The following PRUNE2 variants were observed in gnomAD, a reference collection of about 807,000 sequenced individuals.
PRUNE2 encodes the protein protein prune homolog 2.
In PRUNE2, 164 loss-of-function variants were observed where a neutral mutation model predicts 252.0. That is an observed-to-expected ratio of 0.65 (90% CI 0.57 to 0.74). The LOEUF is 0.74. Among genes scored for constraint, PRUNE2 ranks in the 30% least tolerant of loss-of-function variants. The pLI is 0.00. For missense variants in PRUNE2, 3,495 were observed against 3,711.0 expected (o/e 0.94, Z 1.51); for synonymous variants, 1,292 against 1,350.2 (o/e 0.96, Z 0.94).
At chr9:76,629,012 T>G (rs1377060946) in intron 16 of PRUNE2, among the ~76,000 whole-genome samples, 180 bp downstream of exon 16, 1 of 152,060 alleles carries the variant, frequency 6.6e-6, no homozygotes, top group East Asian at 1.9e-4. Context: ...CCTGGCTAAT[T>G]TTTATATATT....
chr9:76,708,318 T>C lies in PRUNE2; in HGVS notation c.3956A>G (p.His1319Arg). ...CTCACTTTCACTTTGTCCATCGCCA[T>C]GACCTTTCCATGGATCTGGGTGTGG... The part of the protein sequence containing the change: ...YFPHPDPWKG[H>R]GDGQSESEKE... The change falls in exon 8 of 19, where the codon CAT becomes CGT. Residue 1319 changes from histidine to arginine, a missense_variant. Transcript: ENST00000376718. The C allele has an allele frequency of 3.1e-6, 5 of 1,613,904 alleles. No individual in the cohort carries two copies. Among genetic ancestry groups the C allele is most frequent in the Non-Finnish European group, 4.2e-6 (5 of 1,179,888 alleles).
At chr9:76,850,703 C>T (rs750940683) in intron 2 of PRUNE2, 38 bp from the exon 3 acceptor site, 3 of 1,444,454 alleles carry the variant, frequency 2.1e-6, no homozygotes, top group Non-Finnish European at 1.9e-6. Context: ...CTGAAAATAG[C>T]AGGAGGAAAG....
intron 12 of PRUNE2, among the ~76,000 whole-genome samples, chr9:76,642,917 G>A (rs961251000): frequency 2.6e-5 from 4 of 152,188 alleles, no homozygotes; most frequent in Admixed American, 1.3e-4. Context: ...CTGGGGAGAG[G>A]GGAGGTGGCC....
intron 6 of PRUNE2, among the ~76,000 whole-genome samples, chr9:76,796,819 G>C (rs1425224554): frequency 6.6e-6 from 1 of 152,140 alleles, no homozygotes; most frequent in African/African-American, 2.4e-5. Context: ...GACTCAAATA[G>C]AACAAGAAGG....
At chr9:76,749,338 A>G (rs2050410414) in intron 6 of PRUNE2, among the ~76,000 whole-genome samples, 1 of 152,182 alleles carries the variant, frequency 6.6e-6, no homozygotes, top group East Asian at 1.9e-4. Context: ...GCAGACGTTA[A>G]CATTCCTTTC....
At position 76,709,953 on chromosome 9, in the gene PRUNE2, G is replaced by A. The variant is rs2046595244; in HGVS notation, c.2321C>T (p.Ser774Phe). The A allele has an allele frequency of 3.1e-6, 5 of 1,613,738 alleles. No homozygotes were observed. Among genetic ancestry groups the A allele is most frequent in the East Asian group, 2.2e-5 (1 of 44,872 alleles). ...CCAGGGCTCGGGCATGGCTGTGGGA[G>A]AGCGACCAGAATGCCACAAAGAAGC... ...DFASLWHSGR[S>F]PTAMPEPWGN... is the part of the protein sequence containing the mutation. Residue 774 changes from serine (S) to phenylalanine (F), a missense_variant, in exon 8 of 19, where the codon TCT becomes TTT. By Grantham distance (155) the Ser-to-Phe change is radical (BLOSUM62 -2). Transcript: ENST00000376718.
intron 6 of PRUNE2, among the ~76,000 whole-genome samples, chr9:76,794,659 G>A (rs866495082): frequency 8.7e-5 from 13 of 148,718 alleles, no homozygotes; most frequent in South Asian, 2.2e-4. Context: ...GAAAAAGAAA[G>A]AGTGCAGCAC....
chr9:76,665,087 C>T (rs557836910), intron 9 of PRUNE2, among the ~76,000 whole-genome samples: 1 of 152,136 alleles, frequency 6.6e-6, no homozygotes, highest in Non-Finnish European at 1.5e-5. Context: ...TCCCTACCTC[C>T]TCCAAATTAT....
chr9:76,672,804 C>T (rs1300939531), intron 9 of PRUNE2, among the ~76,000 whole-genome samples: 1 of 135,878 alleles, frequency 7.4e-6, no homozygotes, highest in African/African-American at 2.8e-5. Flanking sequence ...TGAATGACTA[C>T]TGGGTACATA....
rs1321980614 is a variant in PRUNE2, at chr9:76,837,444, TAATAATA to T, written c.508+9064_508+9070del. Among the ~76,000 whole-genome samples, 633 of 112,630 alleles carry T rather than the reference TAATAATA, an allele frequency of 5.6e-3. 5 individuals carry two copies. The highest frequency in any genetic ancestry group is 8.4e-3 in the Non-Finnish European group (468 of 56,030). 73.9% of individuals were successfully genotyped at this position (112,630 alleles called of 152,430 possible). On this transcript the variant is annotated intron_variant, in intron 4 of 18. Transcript: ENST00000376718. Reference sequence around the variant, plus strand: ...CGACACAGTGAGACTCTGTCTCAAATAATAATAATAATAATAATAATAATAATAATAA... The same window carrying T: ...CGACACAGTGAGACTCTGTCTCAAATATAATAATAATAATAATAATAATAA...
At chr9:76,742,027 T>C (rs1184407158) in intron 6 of PRUNE2, among the ~76,000 whole-genome samples, 1 of 152,156 alleles carries the variant, frequency 6.6e-6, no homozygotes. Flanking sequence ...TAGAATTAAA[T>C]TTCAGATGAA....
Position 76,739,307 on chromosome 9 carries a change from G to A in PRUNE2, c.757-25586C>T, listed in dbSNP as rs111821906. ...GCCCATGCAGCTCTGTCATTAAGTAGTGATGTGGCTCGATGTGAAAAGTGA... is the reference window on the plus strand; with the variant it reads ...GCCCATGCAGCTCTGTCATTAAGTAATGATGTGGCTCGATGTGAAAAGTGA... On this transcript the variant is annotated intron_variant, in intron 6 of 18. Transcript: ENST00000376718. 1.9e-3 allele frequency: 286 copies of A among 152,300 alleles called. 1 individual carries two copies. The highest frequency in any genetic ancestry group is 6.5e-3 in the African/African-American group (271 of 41,562). The allele number at this position is 152,300 out of a possible 1,614,324, so 9.4% of individuals were successfully genotyped here. A position where few individuals can be genotyped will look rare whatever the true frequency, so the allele number is the denominator to read the frequency against.
chr9:76,904,501 G>A (rs1764284899), intron 1 of PRUNE2, among the ~76,000 whole-genome samples: 1 of 152,100 alleles, frequency 6.6e-6, no homozygotes, highest in African/African-American at 2.4e-5. Flanking sequence ...ACACACACAC[G>A]CACAGTTGCC....
At chr9:76,797,498 T>C (rs1030436418) in intron 6 of PRUNE2, among the ~76,000 whole-genome samples, 3 of 152,202 alleles carry the variant, frequency 2.0e-5, no homozygotes, top group Non-Finnish European at 4.4e-5. Context: ...ACTAGATAGT[T>C]ATTATTTTAA....
chr9:76,681,050 T>C (rs2043371352), intron 9 of PRUNE2, among the ~76,000 whole-genome samples: 1 of 152,142 alleles, frequency 6.6e-6, no homozygotes, highest in African/African-American at 2.4e-5. Context: ...GAAAATGTGG[T>C]ATATGCATAC....
chr9:76,661,330 C>T (rs888988262), intron 9 of PRUNE2, among the ~76,000 whole-genome samples: 4 of 152,184 alleles, frequency 2.6e-5, no homozygotes, highest in East Asian at 1.9e-4. Flanking sequence ...GAAGTCTCCA[C>T]CTCCTGGGTT....
chr9:76,694,880 G>T (rs1244972314), intron 9 of PRUNE2, among the ~76,000 whole-genome samples: 4 of 151,906 alleles, frequency 2.6e-5, no homozygotes, highest in Admixed American at 2.6e-4. Flanking sequence ...TTCTCTGAGA[G>T]CCTAATTAAT....
At chr9:76,815,925 T>C (rs567148335) in intron 6 of PRUNE2, among the ~76,000 whole-genome samples, 3 of 152,018 alleles carry the variant, frequency 2.0e-5, no homozygotes, top group South Asian at 2.1e-4. Context: ...TTTTAAGAGG[T>C]TGAGGCGGGT....
Position 76,710,719 on chromosome 9 carries a change from CT to C in PRUNE2, c.1554del (p.Asp519MetfsTer67). On this transcript the variant is annotated frameshift_variant, in exon 8 of 19. Coordinates refer to ENST00000376718, the MANE Select transcript of PRUNE2 (RefSeq NM_015225.3). LOFTEE classifies it high-confidence loss of function. The stretch of plus-strand genomic sequence containing the variant: ...AGGTCACTGTTGGGGAAGAAGTCAT[CT>C]GCTGGGGAGTAGTCTGCAGAATGAG... Reference protein sequence around the residue: ...QSSHSADYSPADDFFPNSDLS... With the variant: ...QSSHSADYSPXDDFFPNSDLS... The C allele has an allele frequency of 6.2e-7, 1 of 1,612,862 alleles. No homozygotes were observed. Among genetic ancestry groups the C allele is most frequent in the African/African-American group, 1.3e-5 (1 of 75,060 alleles).
Sources: allele counts gnomAD v4.1 joint callset (sites outside exome capture counted in the v4.1 genomes callset), GRCh38; gene constraint gnomAD v4.1.1; transcripts MANE v1.5; gene names NCBI Gene and HGNC (gene_info 2026-07-23, HGNC 2026-07-21).